The following DLGAP1 variants were observed in gnomAD, a reference collection of about 807,000 sequenced individuals.
DLGAP1 encodes the protein DLG associated protein 1, also known as disks large-associated protein 1.
In DLGAP1, 11 loss-of-function variants were observed where a neutral mutation model predicts 90.8. The ratio of observed to expected loss-of-function variants is 0.12; its 90% CI spans 0.08 to 0.20. The LOEUF is 0.20. Among genes scored for constraint, DLGAP1 ranks in the 10% least tolerant of loss-of-function variants. The pLI is 1.00. For synonymous variants in DLGAP1, 558 were observed against 540.7 expected (o/e 1.03, Z -0.44); for missense variants, 1,050 against 1,333.8 (o/e 0.79, Z 3.31).
In DLGAP1 at chr18:4,270,794, A is replaced by G. The variant is rs61643101; in HGVS notation, c.-266-119507T>C. Among the ~76,000 whole-genome samples, 798 of 152,294 alleles carry G rather than the reference A, an allele frequency of 5.2e-3. 7 individuals are homozygous for G. The highest frequency in any genetic ancestry group is 0.018 in the African/African-American group (766 of 41,570). On this transcript the variant is annotated intron_variant, in intron 1 of 12. Coordinates refer to ENST00000315677, the MANE Select transcript of DLGAP1 (RefSeq NM_004746.4). Reference sequence around the variant, plus strand: ...AGTAAAGTTCCAAGAACAACCTTTTATAGAACTGCAGTCATGCATTTAGTG... The same window carrying G: ...AGTAAAGTTCCAAGAACAACCTTTTGTAGAACTGCAGTCATGCATTTAGTG...
chr18:3,671,487 A>G (rs2060087964), intron 7 of DLGAP1, among the ~76,000 whole-genome samples: 2 of 152,292 alleles, frequency 1.3e-5, no homozygotes, highest in African/African-American at 4.8e-5. Flanking sequence ...AAATAAGGGA[A>G]GGGATTCGTA....
chr18:3,744,133 T>A (rs2063171002), intron 5 of DLGAP1, among the ~76,000 whole-genome samples: 1 of 152,104 alleles, frequency 6.6e-6, no homozygotes, highest in Non-Finnish European at 1.5e-5. Context: ...AATCAGAAAA[T>A]TTTGAAAAAT....
intron 7 of DLGAP1, among the ~76,000 whole-genome samples, chr18:3,723,542 G>C (rs1341220367): frequency 6.6e-6 from 1 of 151,812 alleles, no homozygotes; most frequent in Non-Finnish European, 1.5e-5. Context: ...ATGTCATTCT[G>C]CTTAGGGTTT....
At chr18:4,341,315 CT>C (rs1476182107) in intron 1 of DLGAP1, among the ~76,000 whole-genome samples, 1 of 152,040 alleles carries the variant, frequency 6.6e-6, no homozygotes, top group Non-Finnish European at 1.5e-5. Context: ...ACAAAAATCG[CT>C]TATGTACTAA....
chr18:4,366,549 G>A (rs2144156761), intron 1 of DLGAP1, among the ~76,000 whole-genome samples: 1 of 151,838 alleles, frequency 6.6e-6, no homozygotes, highest in East Asian at 1.9e-4. Flanking sequence ...CAGTATACCT[G>A]TGATATTAAA....
At chr18:3,626,494 T>C (rs2058299376) in intron 7 of DLGAP1, among the ~76,000 whole-genome samples, 1 of 149,886 alleles carries the variant, frequency 6.7e-6, no homozygotes, top group South Asian at 2.1e-4. Context: ...CTCAGGAGGC[T>C]GAGGTGGGAG....
At chr18:3,922,245 ATAAAT>A (rs1439269341) in intron 3 of DLGAP1, among the ~76,000 whole-genome samples, 1 of 152,224 alleles carries the variant, frequency 6.6e-6, no homozygotes, top group Non-Finnish European at 1.5e-5. Context: ...TAAATAAATA[ATAAAT>A]TAAAAGAAAA....
At chr18:3,577,889 CAAA>C (rs1271103061) in intron 8 of DLGAP1, among the ~76,000 whole-genome samples, 1 of 151,872 alleles carries the variant, frequency 6.6e-6, no homozygotes, top group Non-Finnish European at 1.5e-5. Flanking sequence ...GATCTCTGTC[CAAA>C]AAAATAATAA....
intron 2 of DLGAP1, among the ~76,000 whole-genome samples, chr18:4,016,042 C>T (rs141784155): frequency 1.3e-5 from 2 of 152,314 alleles, no homozygotes; most frequent in East Asian, 3.9e-4. Flanking sequence ...AACTTTAAGA[C>T]TGAAGAGTAA....
intron 1 of DLGAP1, among the ~76,000 whole-genome samples, chr18:4,448,403 A>G (rs1490177579): frequency 1.3e-5 from 2 of 152,296 alleles, no homozygotes; most frequent in South Asian, 2.1e-4. Context: ...TTGTTTGCCC[A>G]TACTTGGAAA....
At chr18:3,677,192 T>G (rs1045261379) in intron 7 of DLGAP1, among the ~76,000 whole-genome samples, 1 of 152,188 alleles carries the variant, frequency 6.6e-6, no homozygotes, top group African/African-American at 2.4e-5. Context: ...AGTTGAGGAA[T>G]TGAACCACCA....
At chr18:3,847,187 T>G (rs538316328) in intron 4 of DLGAP1, among the ~76,000 whole-genome samples, 69 of 152,260 alleles carry the variant, frequency 4.5e-4, no homozygotes, top group African/African-American at 1.6e-3. Context: ...AAATAAATCC[T>G]GTTTCTGAAA....
chr18:4,089,867 A>C (rs1249680984), intron 2 of DLGAP1, among the ~76,000 whole-genome samples: 3 of 152,142 alleles, frequency 2.0e-5, no homozygotes, highest in South Asian at 4.1e-4. Context: ...AACACGGTGA[A>C]ACCCCGTCTC....
intron 2 of DLGAP1, among the ~76,000 whole-genome samples, chr18:4,080,869 A>C (rs887205061): frequency 1.3e-5 from 2 of 149,342 alleles, no homozygotes; most frequent in Non-Finnish European, 3.0e-5. Context: ...TCCCCGATGC[A>C]TGTTAATAGA....
intron 2 of DLGAP1, among the ~76,000 whole-genome samples, chr18:4,119,174 C>G (rs181557267): frequency 1.7e-3 from 262 of 152,262 alleles, no homozygotes; most frequent in African/African-American, 6.0e-3. Flanking sequence ...ACACTATAGC[C>G]TCGAACTTCT....
intron 6 of DLGAP1, among the ~76,000 whole-genome samples, chr18:3,732,089 T>TTATC (rs1448305977): frequency 6.6e-6 from 1 of 152,240 alleles, no homozygotes; most frequent in African/African-American, 2.4e-5. Flanking sequence ...TTATTTTGAC[T>TTATC]TATCTATTGA....
intron 1 of DLGAP1, among the ~76,000 whole-genome samples, chr18:4,355,267 C>G (rs1261760474): frequency 1.3e-5 from 2 of 152,198 alleles, no homozygotes; most frequent in Non-Finnish European, 2.9e-5. Flanking sequence ...GGACTACTAC[C>G]TAGCCATAAA....
chr18:3,912,418 C>T (rs1182392827), intron 3 of DLGAP1, among the ~76,000 whole-genome samples: 3 of 152,056 alleles, frequency 2.0e-5, no homozygotes, highest in African/African-American at 7.2e-5. Flanking sequence ...GTTTATTCTC[C>T]CAGGTACTAT....
intron 3 of DLGAP1, among the ~76,000 whole-genome samples, chr18:3,944,501 T>TA (rs111488734): frequency 0.026 from 3,875 of 146,728 alleles, 75 homozygotes; most frequent in South Asian, 0.078. Context: ...GAGACTCTGT[T>TA]AAAAAAAAAA....
Sources: allele counts gnomAD v4.1 joint callset (sites outside exome capture counted in the v4.1 genomes callset), GRCh38; gene constraint gnomAD v4.1.1; transcripts MANE v1.5; gene names NCBI Gene and HGNC (gene_info 2026-07-23, HGNC 2026-07-21).